The following PRKCQ variants were observed in gnomAD, a reference collection of about 807,000 sequenced individuals.
The protein encoded by PRKCQ is protein kinase C theta.
In PRKCQ, 41 loss-of-function variants were observed where a neutral mutation model predicts 91.2. The observed-to-expected ratio is 0.45, with a 90% CI of 0.35 to 0.58. The LOEUF (loss-of-function observed/expected upper bound fraction) is 0.58. Ranked by LOEUF, PRKCQ falls within the 20% of genes least tolerant of loss-of-function variation. The pLI is 0.00. For synonymous variants in PRKCQ, 307 were observed against 316.9 expected, an observed-to-expected ratio of 0.97 and a Z score of 0.33; for missense variants, 673 against 896.5, an observed-to-expected ratio of 0.75 and a Z score of 3.18.
At chr10:6,577,428 T>TAGCTGCTTAGAAATG (rs1841284740) in intron 1 of PRKCQ, among the ~76,000 whole-genome samples, 1 of 152,226 alleles carries the variant, frequency 6.6e-6, no homozygotes, top group Admixed American at 6.5e-5. Context: ...GCTGAACACA[T>TAGCTGCTTAGAAATG]AGCTGCTTAG....
intron 1 of PRKCQ, among the ~76,000 whole-genome samples, chr10:6,564,973 G>T (rs938544270): frequency 6.6e-6 from 1 of 152,166 alleles, no homozygotes; most frequent in Non-Finnish European, 1.5e-5. Context: ...TTTTTAAAAA[G>T]CGGTTTTCAG....
intron 1 of PRKCQ, among the ~76,000 whole-genome samples, chr10:6,566,653 G>T (rs796991829): frequency 6.6e-6 from 1 of 152,036 alleles, no homozygotes. Context: ...CAACCTCATG[G>T]GTTCCTAATA....
At chr10:6,438,100 TAGTC>T (rs1309171788) in intron 16 of PRKCQ, among the ~76,000 whole-genome samples, 1 of 152,244 alleles carries the variant, frequency 6.6e-6, no homozygotes, top group Middle Eastern at 3.2e-3. Flanking sequence ...GTTTGGATCA[TAGTC>T]AGAAAGTGAA....
At chr10:6,533,419 A>G (rs1033918024) in intron 1 of PRKCQ, among the ~76,000 whole-genome samples, 5 of 150,142 alleles carry the variant, frequency 3.3e-5, no homozygotes, top group African/African-American at 1.2e-4. Context: ...CTAGTCTTGA[A>G]CTCCTGACCT....
At chr10:6,564,536 AG>A (rs967446614) in intron 1 of PRKCQ, among the ~76,000 whole-genome samples, 1 of 151,940 alleles carries the variant, frequency 6.6e-6, no homozygotes, top group Admixed American at 6.6e-5. Context: ...CCACATATGG[AG>A]GAAGACGGGG....
At chr10:6,500,685 T>C (rs1157184207) in intron 4 of PRKCQ, among the ~76,000 whole-genome samples, 1 of 152,200 alleles carries the variant, frequency 6.6e-6, no homozygotes, top group Non-Finnish European at 1.5e-5. Context: ...CTGGTTTGAA[T>C]GAGCTCATTG....
chr10:6,529,454 G>T (rs1389303792), intron 1 of PRKCQ, among the ~76,000 whole-genome samples: 1 of 152,156 alleles, frequency 6.6e-6, no homozygotes, highest in Non-Finnish European at 1.5e-5. Flanking sequence ...GCTCAGTGAG[G>T]AAGAGCACAC....
At position 6,511,190 on chromosome 10, in the gene PRKCQ, G is replaced by A. The variant is rs777444881; in HGVS notation, c.123C>T (p.Asn41=). The change falls in exon 3 of 18, where the codon AAC becomes AAT. Residue 41 remains asparagine, a synonymous_variant. Transcript: ENST00000263125. ...GCTTTTTCTGGATATACATCTGCCC[G>A]TTCTCTAGGAACAGAAACGTAAGGT... ...VLVKEYVESE[N]GQMYIQKKPT... 44 of 1,613,774 alleles carry A rather than the reference G, an allele frequency of 2.7e-5. No homozygotes were observed. The highest frequency in any genetic ancestry group is 8.9e-5 in the East Asian group (4 of 44,878).
At chr10:6,444,117 C>A (rs555921057) in intron 15 of PRKCQ, among the ~76,000 whole-genome samples, 11 of 152,200 alleles carry the variant, frequency 7.2e-5, no homozygotes, top group Non-Finnish European at 1.6e-4. Flanking sequence ...GTCACCCAGG[C>A]TGGAGTGCAG....
chr10:6,420,082 G>A, the PRKCQ span, among the ~76,000 whole-genome samples: 29 of 152,122 alleles, frequency 1.9e-4, no homozygotes, highest in South Asian at 4.1e-4. Flanking sequence ...TCTGCCTCCC[G>A]GGTTCAAGTG....
the PRKCQ span, among the ~76,000 whole-genome samples, chr10:6,407,270 G>A: frequency 6.6e-6 from 1 of 152,020 alleles, no homozygotes; most frequent in Non-Finnish European, 1.5e-5. This position sits in a 1 kb window ranked among gnomAD's most constrained non-coding sequence, Gnocchi z 4.0. Flanking sequence ...ATGGTGCCGG[G>A]GTGTGGGGGG....
intron 9 of PRKCQ, 68 bp downstream of exon 9, chr10:6,485,967 A>C (rs1011992214): frequency 1.5e-6 from 2 of 1,363,568 alleles, no homozygotes; most frequent in East Asian, 4.6e-5. Context: ...CAGGTGAAGC[A>C]GCAGAAGTGC....
intron 16 of PRKCQ, 66 bp downstream of exon 16, chr10:6,441,827 G>A (rs1283562780): frequency 3.7e-5 from 55 of 1,470,428 alleles, no homozygotes; most frequent in Non-Finnish European, 4.8e-5. Context: ...AAACTAAGAG[G>A]AACAGAAAAC....
chr10:6,567,829 C>T (rs905227110), intron 1 of PRKCQ, among the ~76,000 whole-genome samples: 2 of 152,168 alleles, frequency 1.3e-5, no homozygotes, highest in African/African-American at 4.8e-5. Context: ...GATAAACATT[C>T]TTTTTTTTGT....
intron 1 of PRKCQ, among the ~76,000 whole-genome samples, chr10:6,530,187 C>G (rs1024508780): frequency 7.2e-5 from 11 of 152,132 alleles, no homozygotes; most frequent in African/African-American, 2.4e-4. Context: ...AGAGAAGGAG[C>G]CTTCGAGAGC....
At chr10:6,464,516 C>G in intron 12 of PRKCQ, 112 bp from the exon 13 acceptor site, 1 of 847,016 alleles carries the variant, frequency 1.2e-6, no homozygotes, top group Non-Finnish European at 1.9e-6. Context: ...GTGGCGTGAT[C>G]TCGGGTCACT....
the PRKCQ span, among the ~76,000 whole-genome samples, chr10:6,413,247 C>A: frequency 9.2e-5 from 14 of 152,122 alleles, no homozygotes; most frequent in Admixed American, 6.5e-5. Context: ...CCACTCTGCC[C>A]GGCCTTAAAC....
At chr10:6,575,158 C>A (rs1841182932) in intron 1 of PRKCQ, among the ~76,000 whole-genome samples, 1 of 152,130 alleles carries the variant, frequency 6.6e-6, no homozygotes, top group South Asian at 2.1e-4. Context: ...CAAAATAGTA[C>A]AAATATCTCA....
At chr10:6,399,742 T>C in the PRKCQ span, among the ~76,000 whole-genome samples, 20 of 152,154 alleles carry the variant, frequency 1.3e-4, no homozygotes, top group Non-Finnish European at 2.5e-4. Flanking sequence ...GTTTGTTTAG[T>C]CCTGTCTGGT....
Sources: allele counts gnomAD v4.1 joint callset (sites outside exome capture counted in the v4.1 genomes callset), GRCh38; gene constraint gnomAD v4.1.1; non-coding constraint Gnocchi (gnomAD v3.1); transcripts MANE v1.5; gene names NCBI Gene and HGNC (gene_info 2026-07-23, HGNC 2026-07-21).